DNAH10: variants seen among roughly 807,000 people sequenced by gnomAD.
DNAH10 encodes the protein dynein axonemal heavy chain 10, also known as axonemal beta dynein heavy chain 10.
Under a neutral mutation model 506.6 loss-of-function variants are expected in DNAH10, and 348 were observed. The ratio of observed to expected loss-of-function variants is 0.69; its 90% CI spans 0.63 to 0.75. The LOEUF (loss-of-function observed/expected upper bound fraction) is 0.75. DNAH10 is among the 30% of genes least tolerant of loss of function. The probability of loss-of-function intolerance (pLI) is 0.00; values close to 1 mark genes in which losing one functional copy is unlikely to be tolerated. For synonymous variants in DNAH10, 2,059 were observed against 2,198.6 expected, an observed-to-expected ratio of 0.94 and a Z score of 1.78; for missense variants, 5,179 against 5,787.1, an observed-to-expected ratio of 0.89 and a Z score of 3.41.
At chr12:123,856,042 A>G (rs970203337) in intron 36 of DNAH10, among the ~76,000 whole-genome samples, 7 of 148,406 alleles carry the variant, frequency 4.7e-5, no homozygotes, top group African/African-American at 1.7e-4. Context: ...ATTAAATATG[A>G]AATATGAAAT....
intron 56 of DNAH10, among the ~76,000 whole-genome samples, chr12:123,899,958 C>T (rs1174672761): frequency 6.6e-6 from 1 of 152,258 alleles, no homozygotes; most frequent in Non-Finnish European, 1.5e-5. Flanking sequence ...TGTTTTGATG[C>T]TGAGTCCTCA....
chr12:123,818,620 A>G (rs560733277), intron 21 of DNAH10, among the ~76,000 whole-genome samples: 356 of 152,172 alleles, frequency 2.3e-3, no homozygotes, highest in African/African-American at 8.3e-3. Flanking sequence ...CACTGTGCCC[A>G]GCCTAATATT....
intron 39 of DNAH10, among the ~76,000 whole-genome samples, chr12:123,861,540 G>A (rs747183056): frequency 1.6e-4 from 24 of 152,174 alleles, no homozygotes; most frequent in Non-Finnish European, 2.6e-4. Context: ...CTATGGCAAG[G>A]TAAGTCAAGG....
Position 123,870,460 on chromosome 12 carries a change from C to G in DNAH10, c.7614C>G (p.Pro2538=). The part of the protein sequence containing the change: ...SKLVPEYIHA[P]ERKFINILVH... ...TAGTTCCAGAGTATATTCATGCCCC[C>G]GAGAGGAAATTCATCAACATCCTGG... The change falls in exon 44 of 79, where the codon CCC becomes CCG. Residue 2538 remains proline (P), a synonymous_variant. Coordinates refer to ENST00000673944, the MANE Select transcript of DNAH10 (RefSeq NM_001372106.1). 6.2e-7 allele frequency: 1 copy of G among 1,613,656 alleles called. No individual in the cohort carries two copies. Among genetic ancestry groups the G allele is most frequent in the Non-Finnish European group, 8.5e-7 (1 of 1,179,836 alleles).
Position 123,853,229 on chromosome 12 carries a change from T to C in DNAH10, c.6315T>C (p.Val2105=), listed in dbSNP as rs1594199337. The C allele has an allele frequency of 5.6e-6, 9 of 1,608,400 alleles. No individual in the cohort carries two copies. The highest frequency in any genetic ancestry group is 5.3e-5 in the African/African-American group (4 of 74,910). ...EAKTLAKKMT[V]LYKLAREQLS... The stretch of plus-strand genomic sequence containing the variant: ...AGACTCTGGCGAAAAAGATGACGGT[T>C]CTGTATAAGCTGGCCCGGGAGCAGC... Residue 2105 remains valine (V), a synonymous_variant, in exon 36 of 79, where the codon GTT becomes GTC. Coordinates refer to ENST00000673944, the MANE Select transcript of DNAH10 (RefSeq NM_001372106.1). The surrounding 1 kb of genome is among the most constrained non-coding windows in gnomAD (Gnocchi z 4.7).
At chr12:123,788,048 G>C in intron 10 of DNAH10, 46 bp downstream of exon 10, 1 of 1,549,432 alleles carries the variant, frequency 6.5e-7, no homozygotes, top group East Asian at 2.4e-5. Context: ...GAAGAAGGCA[G>C]TTGGCTTTTG....
rs550712113 is a variant in DNAH10, at chr12:123,906,184, G to A, written c.9815+3071G>A. On this transcript the variant is annotated intron_variant, in intron 57 of 78. Transcript: ENST00000673944. ...CCTGACCTTGTGATCCACCCGCCTC[G>A]GCCTCCCAAAGTGCTGGGATTACAG... is the stretch of plus-strand genomic sequence containing the variant. Among the ~76,000 whole-genome samples, 444 of 151,222 alleles carry A rather than the reference G, an allele frequency of 2.9e-3. 1 individual carries two copies. The highest frequency in any genetic ancestry group is 0.01 in the African/African-American group (430 of 41,184).
intron 56 of DNAH10, among the ~76,000 whole-genome samples, chr12:123,899,527 G>A (rs114450792): frequency 5.6e-4 from 86 of 152,268 alleles, no homozygotes; most frequent in African/African-American, 2.0e-3. Flanking sequence ...CCGGCCCTGT[G>A]CACAGGATCC....
Position 123,902,894 on chromosome 12 carries a change from C to T in DNAH10, c.9641-45C>T. The T allele has an allele frequency of 6.5e-7, 1 of 1,536,886 alleles. No individual in the cohort carries two copies. ...CTCAGAGCCGGGGCCGCGAGTGCAT[C>T]TCCTCTGAGCCCAAGCTTTACTCAC... On this transcript the variant is annotated intron_variant, in intron 56 of 78. Transcript: ENST00000673944. The surrounding 1 kb of genome is among the most constrained non-coding windows in gnomAD (Gnocchi z 4.5).
chr12:123,914,915 G>C lies in DNAH10; in HGVS notation c.10638G>C (p.Arg3546=), dbSNP rs1176347143. Residue 3546 remains arginine (R), a synonymous_variant, in exon 62 of 79, where the codon CGG becomes CGC. Transcript: ENST00000673944. ...LSVQNGILTT[R]ASRFPLCIDP... is the part of the protein sequence containing the mutation. ...TTCAGAATGGCATCCTCACCACCCGGGCCAGCCGCTTCCCTCTGTGTATCG... is the reference window on the plus strand; with the variant it reads ...TTCAGAATGGCATCCTCACCACCCGCGCCAGCCGCTTCCCTCTGTGTATCG... The C allele has an allele frequency of 4.3e-6, 7 of 1,613,318 alleles. No homozygotes were observed. The Admixed American group carries it at 1.2e-4, about 27-fold the overall frequency.
intron 47 of DNAH10, 143 bp downstream of exon 47, chr12:123,875,634 G>A (rs1381875449): frequency 2.1e-5 from 22 of 1,028,864 alleles, no homozygotes; most frequent in Non-Finnish European, 3.0e-5. Context: ...TTAATTTCTT[G>A]CAAAATCAGA....
At chr12:123,794,175 G>T in intron 12 of DNAH10, 63 bp downstream of exon 12, 1 of 1,042,468 alleles carries the variant, frequency 9.6e-7, no homozygotes, top group Non-Finnish European at 1.2e-6. Context: ...GTGAACAATT[G>T]AATCCCACTA....
Position 123,914,990 on chromosome 12 carries a change from C to A in DNAH10, c.10713C>A (p.Asn3571Lys). The change falls in exon 62 of 79, where the codon AAC becomes AAA. Residue 3571 changes from asparagine (N) to lysine (K), a missense_variant. Around this residue, in one of 3 missense-constraint regions of DNAH10, gnomAD observed 4,844 missense variants for 5,430.5 expected, o/e 0.89. Transcript: ENST00000673944. ...LNWIKRKEEK[N>K]NLRVASFNDP... is the part of the protein sequence containing the mutation. ...GGATCAAGAGAAAAGAGGAGAAGAA[C>A]AATCTGCGGGTATGGTGGCTCCTCC... 1 of 1,607,578 alleles carries A rather than the reference C, an allele frequency of 6.2e-7. No homozygotes were observed. The highest frequency in any genetic ancestry group is 1.1e-5 in the South Asian group (1 of 89,802).
chr12:123,855,836 C>T (rs1951365776), intron 36 of DNAH10, among the ~76,000 whole-genome samples: 1 of 150,952 alleles, frequency 6.6e-6, no homozygotes, highest in African/African-American at 2.4e-5. Flanking sequence ...CACCAGGACA[C>T]TCAGCCTCCT....
At chr12:123,841,170 G>C (rs764450474) in intron 29 of DNAH10, among the ~76,000 whole-genome samples, 152 bp from the exon 30 acceptor site, 205 of 152,314 alleles carry the variant, frequency 1.3e-3, no homozygotes, top group Non-Finnish European at 2.3e-3. Context: ...GACCACACAG[G>C]TGGGTGAACG....
At chr12:123,836,278 A>G (rs1961118328) in intron 28 of DNAH10, among the ~76,000 whole-genome samples, 1 of 152,260 alleles carries the variant, frequency 6.6e-6, no homozygotes, top group African/African-American at 2.4e-5. Flanking sequence ...GTCATCTGAG[A>G]AAATAATTTC....
chr12:123,804,889 A>G lies in DNAH10; in HGVS notation c.2836A>G (p.Met946Val), dbSNP rs566719092. The stretch of plus-strand genomic sequence containing the variant: ...AGAAAGGGCCAGCGACGTGGACCAC[A>G]TGGTCCGGTGGTATCTTGCCATTGG... ...ERERASDVDH[M>V]VRWYLAIGPL... Residue 946 changes from methionine (M) to valine (V), a missense_variant, in exon 18 of 79, where the codon ATG (methionine) becomes GTG (valine). By Grantham distance (21) the Met-to-Val change is conservative (BLOSUM62 1). Around this residue, in one of 3 missense-constraint regions of DNAH10, gnomAD observed 4,844 missense variants for 5,430.5 expected, o/e 0.89. Transcript: ENST00000673944. The G allele has an allele frequency of 3.3e-5, 53 of 1,613,640 alleles. No homozygotes were observed. Among genetic ancestry groups the G allele is most frequent in the South Asian group, 6.6e-5 (6 of 91,048 alleles).
chr12:123,839,723 C>T (rs538394262), intron 29 of DNAH10, among the ~76,000 whole-genome samples: 11 of 139,526 alleles, frequency 7.9e-5, no homozygotes, highest in South Asian at 4.5e-4. Context: ...AGTGCAGTGG[C>T]GCGATCTCCA....
At chr12:123,830,742 T>C in intron 26 of DNAH10, 43 bp downstream of exon 26, 1 of 1,541,802 alleles carries the variant, frequency 6.5e-7, no homozygotes, top group Non-Finnish European at 8.7e-7. Flanking sequence ...ACAGTCTTTT[T>C]TTAATTCAAA....
Sources: gnomAD v4.1 joint callset for allele counts (sites outside exome capture counted in the v4.1 genomes callset) on GRCh38, gnomAD v4.1.1 for gene constraint, gnomAD v4.1.1 regional missense constraint, Gnocchi (gnomAD v3.1) non-coding constraint, MANE v1.5 for transcripts, NCBI Gene and HGNC (gene_info 2026-07-23, HGNC 2026-07-21) for gene names.